ASTN1: variants seen among roughly 807,000 people sequenced by gnomAD.
ASTN1 encodes the protein astrotactin 1.
Under a neutral mutation model 140.7 loss-of-function variants are expected in ASTN1, and 41 were observed. The ratio of observed to expected loss-of-function variants is 0.29; its 90% CI spans 0.23 to 0.38. The LOEUF is 0.38. Among genes scored for constraint, ASTN1 ranks in the 10% least tolerant of loss-of-function variants. The pLI is 1.00. For missense variants in ASTN1, 1,479 were observed against 1,678.8 expected, an observed-to-expected ratio of 0.88 and a Z score of 2.08; for synonymous variants, 640 against 652.2, an observed-to-expected ratio of 0.98 and a Z score of 0.29.
At position 176,991,986 on chromosome 1, in the gene ASTN1, T is replaced by C. The variant is rs145625600; in HGVS notation, c.1523+22805A>G. On this transcript the variant is annotated intron_variant, in intron 8 of 22. Transcript: ENST00000361833. ...TAGTTTTATGTATTAAATAGTTATG[T>C]CTGAACAATGTAATAAGTCTTTACA... 1.8e-3 allele frequency among the ~76,000 whole-genome samples: 275 copies of C among 152,362 alleles called. 3 individuals carry two copies. Among genetic ancestry groups the C allele is most frequent in the African/African-American group, 6.1e-3 (255 of 41,574 alleles).
rs1030733248 is a variant in ASTN1 at position 176,914,119 on chromosome 1, T to C, written c.2672-19289A>G. Among the ~76,000 whole-genome samples the C allele has an allele frequency of 5.3e-5, 8 of 152,304 alleles. No individual in the cohort carries two copies. The South Asian group carries it at 1.7e-3, about 32-fold the overall frequency. ...ATCTCAGTGGTTGGTGCTAAAATAG[T>C]TCCTATTTCAGAGATGACAAAACCG... On this transcript the variant is annotated intron_variant, in intron 16 of 22. Transcript: ENST00000361833.
At chr1:177,093,279 C>T (rs1419372454) in intron 1 of ASTN1, among the ~76,000 whole-genome samples, 1 of 152,156 alleles carries the variant, frequency 6.6e-6, no homozygotes, top group Non-Finnish European at 1.5e-5. Flanking sequence ...GTGCAGAAGG[C>T]CTTGCCAAAT....
intron 2 of ASTN1, among the ~76,000 whole-genome samples, chr1:177,038,590 ATCT>A (rs1282992148): frequency 6.6e-6 from 1 of 152,196 alleles, no homozygotes; most frequent in Non-Finnish European, 1.5e-5. Context: ...CAATATGGTC[ATCT>A]TCTCTGTGCC....
At chr1:177,003,535 G>T (rs1674841685) in intron 8 of ASTN1, among the ~76,000 whole-genome samples, 1 of 152,182 alleles carries the variant, frequency 6.6e-6, no homozygotes, top group African/African-American at 2.4e-5. Context: ...GCCAGGCCAG[G>T]TGCAGTGGCT....
intron 1 of ASTN1, among the ~76,000 whole-genome samples, chr1:177,111,970 G>A (rs1466652471): frequency 6.6e-6 from 1 of 152,136 alleles, no homozygotes; most frequent in East Asian, 1.9e-4. Context: ...AAGTTGTTCT[G>A]TAGCCTTTCT....
chr1:177,147,795 C>T (rs1328796464), intron 1 of ASTN1, among the ~76,000 whole-genome samples: 2 of 152,144 alleles, frequency 1.3e-5, no homozygotes, highest in Non-Finnish European at 2.9e-5. Context: ...GAAGAGTAGG[C>T]CTAAGTCAAC....
intron 16 of ASTN1, among the ~76,000 whole-genome samples, chr1:176,898,153 C>A (rs528222543): frequency 1.3e-5 from 2 of 152,180 alleles, no homozygotes; most frequent in Admixed American, 1.3e-4. Flanking sequence ...CCCTTCAGTT[C>A]TAGATACCTA....
chr1:176,992,861 C>T (rs1046553215), intron 8 of ASTN1, among the ~76,000 whole-genome samples: 5 of 152,186 alleles, frequency 3.3e-5, no homozygotes, highest in South Asian at 2.1e-4. Context: ...CGAAACTCCA[C>T]CCAAATTCCT....
chr1:176,949,391 G>A (rs1225023696), intron 11 of ASTN1, 40 bp from the exon 12 acceptor site: 3 of 1,585,970 alleles, frequency 1.9e-6, no homozygotes, highest in East Asian at 2.3e-5. Flanking sequence ...TGGGTGAATC[G>A]GGGAACTGAG....
intron 15 of ASTN1, among the ~76,000 whole-genome samples, chr1:176,935,632 T>G (rs1417842465): frequency 6.6e-6 from 1 of 152,210 alleles, no homozygotes; most frequent in African/African-American, 2.4e-5. Context: ...ACCATTTATC[T>G]TCCTCCCATT....
At position 176,864,015 on chromosome 1, in the gene ASTN1, A is replaced by G; in HGVS notation, c.*269T>C. On this transcript the variant is annotated 3_prime_UTR_variant, in exon 23 of 23. Coordinates refer to ENST00000361833, the MANE Select transcript of ASTN1 (RefSeq NM_004319.3). The stretch of plus-strand genomic sequence containing the variant: ...AGGGAAAAAAAAATGAATGGAACAA[A>G]TTAATGGCAAAGCAAACCCCAAAGT... The G allele has an allele frequency of 8.1e-7, 1 of 1,237,304 alleles. No individual in the cohort carries two copies. The highest frequency in any genetic ancestry group is 1.0e-6 in the Non-Finnish European group (1 of 984,376). The allele number at this position is 1,237,304 out of a possible 1,614,324, so 76.6% of individuals were successfully genotyped here. A position where few individuals can be genotyped will look rare whatever the true frequency, so the allele number is the denominator to read the frequency against.
intron 8 of ASTN1, among the ~76,000 whole-genome samples, chr1:176,975,071 AG>A (rs1673306729): frequency 6.6e-6 from 1 of 152,200 alleles, no homozygotes; most frequent in African/African-American, 2.4e-5. Flanking sequence ...CCCACATGGG[AG>A]AAGCTTAGCC....
chr1:176,907,725 A>G (rs1670061249), intron 16 of ASTN1, among the ~76,000 whole-genome samples: 3 of 152,192 alleles, frequency 2.0e-5, no homozygotes, highest in Admixed American at 2.0e-4. Context: ...AATGGGATGA[A>G]CCCCTACAAC....
At chr1:177,097,242 C>T (rs767594595) in intron 1 of ASTN1, among the ~76,000 whole-genome samples, 2 of 152,160 alleles carry the variant, frequency 1.3e-5, no homozygotes, top group Non-Finnish European at 2.9e-5. Context: ...GAAGAAGATG[C>T]TGTGAAATTT....
At chr1:177,073,088 A>G (rs1469187829) in intron 1 of ASTN1, among the ~76,000 whole-genome samples, 1 of 152,208 alleles carries the variant, frequency 6.6e-6, no homozygotes, top group Admixed American at 6.5e-5. Context: ...ACCTTAAATC[A>G]GGACACAAAG....
intron 1 of ASTN1, among the ~76,000 whole-genome samples, chr1:177,109,341 A>G (rs1680703146): frequency 6.6e-6 from 1 of 152,148 alleles, no homozygotes; most frequent in Non-Finnish European, 1.5e-5. Flanking sequence ...TTGATGTTAC[A>G]TTTGTGATAA....
At chr1:177,163,965 G>T (rs1339666810) in intron 1 of ASTN1, among the ~76,000 whole-genome samples, 1 of 152,192 alleles carries the variant, frequency 6.6e-6, no homozygotes, top group Non-Finnish European at 1.5e-5. Context: ...CCCAGGAAGT[G>T]CTGTAGGTGG....
chr1:176,868,720 T>A (rs1668222919), intron 22 of ASTN1, 124 bp downstream of exon 22: 1 of 1,073,264 alleles, frequency 9.3e-7, no homozygotes, highest in Non-Finnish European at 1.3e-6. Context: ...ATCAGAGGAC[T>A]GACTTCTCTG....
At chr1:176,956,096 G>T (rs1672388251) in intron 11 of ASTN1, among the ~76,000 whole-genome samples, 1 of 152,066 alleles carries the variant, frequency 6.6e-6, no homozygotes, top group East Asian at 1.9e-4. Context: ...AGGGAGGGTG[G>T]CACTGTGGGA....
Sources: allele counts gnomAD v4.1 joint callset (sites outside exome capture counted in the v4.1 genomes callset), GRCh38; gene constraint gnomAD v4.1.1; transcripts MANE v1.5; gene names NCBI Gene and HGNC (gene_info 2026-07-23, HGNC 2026-07-21).